SEZ6L: variants seen among roughly 807,000 people sequenced by gnomAD.
SEZ6L encodes seizure 6-like protein.
A neutral mutation model predicts 106.2 loss-of-function variants in SEZ6L; 37 were observed. The observed-to-expected ratio is 0.35, with a 90% CI of 0.27 to 0.46. SEZ6L has a LOEUF of 0.46. Among genes scored for constraint, SEZ6L ranks in the 20% least tolerant of loss-of-function variants. The pLI, the probability that SEZ6L is intolerant of heterozygous loss-of-function variation, is 1.00. For synonymous variants in SEZ6L, 541 were observed against 570.4 expected, an observed-to-expected ratio of 0.95 and a Z score of 0.73; for missense variants, 1,172 against 1,332.8, an observed-to-expected ratio of 0.88 and a Z score of 1.88.
chr22:26,246,493 T>A (rs925499361), intron 1 of SEZ6L, among the ~76,000 whole-genome samples: 3 of 152,094 alleles, frequency 2.0e-5, no homozygotes, highest in Admixed American at 6.5e-5. Context: ...CTCTCTCATA[T>A]TCGTCTCAGT....
At chr22:26,230,283 G>A (rs539875582) in intron 1 of SEZ6L, among the ~76,000 whole-genome samples, 1 of 151,648 alleles carries the variant, frequency 6.6e-6, no homozygotes, top group South Asian at 2.1e-4. Flanking sequence ...GAGAAAAAAA[G>A]ATAACCATTT....
intron 1 of SEZ6L, among the ~76,000 whole-genome samples, chr22:26,288,558 C>G (rs1418235901): frequency 6.6e-6 from 1 of 152,152 alleles, no homozygotes; most frequent in South Asian, 2.1e-4. Flanking sequence ...GTCATAAAAA[C>G]CAAGATTTGA....
intron 1 of SEZ6L, among the ~76,000 whole-genome samples, chr22:26,222,621 A>T (rs2078510099): frequency 1.3e-5 from 2 of 152,238 alleles, no homozygotes; most frequent in South Asian, 4.1e-4. Context: ...ATGTTTGCTG[A>T]ACAGCAAAAT....
At chr22:26,373,517 T>A in intron 14 of SEZ6L, 34 bp downstream of exon 14, 1 of 1,511,938 alleles carries the variant, frequency 6.6e-7, no homozygotes, top group Non-Finnish European at 9.0e-7. Context: ...AAAAGTTCAA[T>A]AAATCAAACT....
intron 10 of SEZ6L, among the ~76,000 whole-genome samples, chr22:26,347,025 T>G (rs1423831526): frequency 1.3e-5 from 2 of 150,332 alleles, no homozygotes; most frequent in African/African-American, 4.9e-5. Flanking sequence ...AGAGCTCATC[T>G]CTACAGAAAA....
chr22:26,226,125 C>G (rs547360562), intron 1 of SEZ6L, among the ~76,000 whole-genome samples: 1 of 152,338 alleles, frequency 6.6e-6, no homozygotes, highest in South Asian at 2.1e-4. Context: ...GCAACCATCC[C>G]TCACTGGGCC....
intron 14 of SEZ6L, 150 bp from the exon 15 acceptor site, chr22:26,375,425 T>C (rs2146084244): frequency 1.5e-6 from 1 of 655,310 alleles, no homozygotes; most frequent in African/African-American, 1.8e-5. Flanking sequence ...TTTCCTCTAG[T>C]CTTTGGAGAT....
chr22:26,305,876 A>G, intron 5 of SEZ6L, 103 bp from the exon 6 acceptor site: 3 of 1,246,328 alleles, frequency 2.4e-6, no homozygotes, highest in South Asian at 1.4e-5. Context: ...GGAGAATGAA[A>G]CACTCACTTC....
At chr22:26,272,098 T>A (rs759686819) in intron 1 of SEZ6L, among the ~76,000 whole-genome samples, 1 of 152,236 alleles carries the variant, frequency 6.6e-6, no homozygotes, top group Non-Finnish European at 1.5e-5. Context: ...GTTGCATAAT[T>A]AGCCAATGAA....
chr22:26,235,152 G>A (rs1273269706), intron 1 of SEZ6L, among the ~76,000 whole-genome samples: 1 of 152,138 alleles, frequency 6.6e-6, no homozygotes, highest in Non-Finnish European at 1.5e-5. Context: ...GGCACTATTG[G>A]CATTTGGGGT....
chr22:26,276,969 A>C (rs2080566227), intron 1 of SEZ6L, among the ~76,000 whole-genome samples: 1 of 152,208 alleles, frequency 6.6e-6, no homozygotes, highest in Non-Finnish European at 1.5e-5. Flanking sequence ...CTCTAATGAG[A>C]TGTAACTGGA....
rs554628288 is a variant in SEZ6L at position 26,335,042 on chromosome 22, T to C, written c.2016-5394T>C. 9.8e-5 allele frequency among the ~76,000 whole-genome samples: 15 copies of C among 152,338 alleles called. No homozygotes were observed. In the East Asian group the frequency reaches 2.5e-3, roughly 25 times the overall value. ...CCACACTCTGCCCTGTGGCTCTCCC[T>C]GCAGTGAACTCAACACATTTTCATC... On this transcript the variant is annotated intron_variant, in intron 9 of 16. Coordinates refer to ENST00000248933, the MANE Select transcript of SEZ6L (RefSeq NM_021115.5).
intron 5 of SEZ6L, among the ~76,000 whole-genome samples, chr22:26,302,959 T>G (rs569655192): frequency 7.2e-5 from 11 of 152,354 alleles, no homozygotes; most frequent in Non-Finnish European, 1.6e-4. Flanking sequence ...GAGCTGGCTA[T>G]GTTTTGAGTG....
At chr22:26,369,095 C>T (rs1237172298) in intron 13 of SEZ6L, among the ~76,000 whole-genome samples, 2 of 151,430 alleles carry the variant, frequency 1.3e-5, no homozygotes, top group Admixed American at 1.3e-4. Context: ...CTCTCAAATG[C>T]ACTTTGAATG....
chr22:26,174,114 CT>C (rs1158270661), intron 1 of SEZ6L, among the ~76,000 whole-genome samples: 6 of 152,202 alleles, frequency 3.9e-5, no homozygotes, highest in Admixed American at 6.5e-5. Context: ...AGGTAAACTA[CT>C]ACCATCCGTG....
chr22:26,262,745 G>T (rs971154509), intron 1 of SEZ6L, among the ~76,000 whole-genome samples: 1 of 152,164 alleles, frequency 6.6e-6, no homozygotes, highest in Non-Finnish European at 1.5e-5. Flanking sequence ...TGCATGGGTC[G>T]ATGGGGGAGC....
At chr22:26,356,285 T>C (rs981493419) in intron 12 of SEZ6L, among the ~76,000 whole-genome samples, 1 of 152,220 alleles carries the variant, frequency 6.6e-6, no homozygotes, top group Non-Finnish European at 1.5e-5. Context: ...CACAGCATAG[T>C]AGCCATTTGA....
At chr22:26,194,257 G>C (rs1172449068) in intron 1 of SEZ6L, among the ~76,000 whole-genome samples, 1 of 152,234 alleles carries the variant, frequency 6.6e-6, no homozygotes, top group Non-Finnish European at 1.5e-5. Context: ...GAAGCCCTTG[G>C]TGCCATTACA....
At chr22:26,243,315 G>T (rs1187590159) in intron 1 of SEZ6L, among the ~76,000 whole-genome samples, 1 of 152,196 alleles carries the variant, frequency 6.6e-6, no homozygotes, top group African/African-American at 2.4e-5. Context: ...TTATCAGAGG[G>T]TGCCATGGAG....
Sources: gnomAD v4.1 joint callset for allele counts (sites outside exome capture counted in the v4.1 genomes callset) on GRCh38, gnomAD v4.1.1 for gene constraint, MANE v1.5 for transcripts, NCBI Gene and HGNC (gene_info 2026-07-23, HGNC 2026-07-21) for gene names.